MICU1: variants seen among roughly 807,000 people sequenced by gnomAD.
MICU1 encodes calcium uptake protein 1, mitochondrial.
A neutral mutation model predicts 56.8 loss-of-function variants in MICU1; 45 were observed. The ratio of observed to expected loss-of-function variants is 0.79; its 90% CI spans 0.62 to 1.02. The LOEUF is 1.02. Ranked by LOEUF, MICU1 falls within the 50% of genes least tolerant of loss-of-function variation. The pLI, the probability that MICU1 is intolerant of heterozygous loss-of-function variation, is 0.00. For missense variants in MICU1, 504 were observed against 587.1 expected, an observed-to-expected ratio of 0.86 and a Z score of 1.46; for synonymous variants, 186 against 195.1, an observed-to-expected ratio of 0.95 and a Z score of 0.39.
intron 7 of MICU1, 76 bp downstream of exon 7, chr10:72,477,098 C>A: frequency 8.9e-7 from 1 of 1,128,654 alleles, no homozygotes. Flanking sequence ...CTGACCAAGG[C>A]TAAGGTAACT....
chr10:72,381,723 G>C (rs187828199), intron 10 of MICU1, among the ~76,000 whole-genome samples: 1 of 152,210 alleles, frequency 6.6e-6, no homozygotes, highest in East Asian at 1.9e-4. Flanking sequence ...GAGCCTGAGC[G>C]CATCATCCCA....
intron 6 of MICU1, among the ~76,000 whole-genome samples, chr10:72,490,042 CT>C (rs1866602204): frequency 6.6e-6 from 1 of 152,134 alleles, no homozygotes; most frequent in Non-Finnish European, 1.5e-5. Context: ...CCTTTAAGCC[CT>C]TGACTAAATG....
At chr10:72,374,224 G>A (rs191016912) in intron 11 of MICU1, among the ~76,000 whole-genome samples, 57 of 152,346 alleles carry the variant, frequency 3.7e-4, no homozygotes, top group African/African-American at 1.3e-3. Flanking sequence ...CGCTTCAAGC[G>A]ATCCTCTCAC....
At chr10:72,552,209 G>A (rs1840051035) in intron 3 of MICU1, among the ~76,000 whole-genome samples, 2 of 152,052 alleles carry the variant, frequency 1.3e-5, no homozygotes, top group Admixed American at 1.3e-4. Flanking sequence ...AGCAAAGTTG[G>A]GAATCACACA....
At chr10:72,470,338 C>T (rs1564888093) in intron 8 of MICU1, among the ~76,000 whole-genome samples, 1 of 152,182 alleles carries the variant, frequency 6.6e-6, no homozygotes, top group Admixed American at 6.5e-5. Context: ...TAAGAAGGTA[C>T]TTATTCTACT....
chr10:72,395,374 G>A (rs1863214793), intron 10 of MICU1, among the ~76,000 whole-genome samples: 9 of 152,170 alleles, frequency 5.9e-5, no homozygotes, highest in Admixed American at 5.9e-4. Flanking sequence ...CGACACAGAA[G>A]ATGGGTGATT....
At chr10:72,482,066 TC>T (rs752948096) in intron 6 of MICU1, among the ~76,000 whole-genome samples, 19 of 152,188 alleles carry the variant, frequency 1.2e-4, no homozygotes, top group Non-Finnish European at 2.4e-4. Flanking sequence ...GAAAAAACCA[TC>T]TTTTTCTATG....
At chr10:72,551,118 A>T in intron 4 of MICU1, 61 bp downstream of exon 4, 1 of 1,465,504 alleles carries the variant, frequency 6.8e-7, no homozygotes, top group Non-Finnish European at 9.2e-7. Flanking sequence ...ATGTAGAAAG[A>T]GACAAAGTAG....
intron 5 of MICU1, among the ~76,000 whole-genome samples, chr10:72,518,121 C>T (rs907709015): frequency 2.6e-5 from 4 of 151,824 alleles, no homozygotes; most frequent in Non-Finnish European, 5.9e-5. Flanking sequence ...CAACGTCTGC[C>T]TCCCAGGTTC....
chr10:72,543,897 A>T (rs1382990420), intron 4 of MICU1, among the ~76,000 whole-genome samples: 1 of 152,028 alleles, frequency 6.6e-6, no homozygotes, highest in African/African-American at 2.4e-5. Flanking sequence ...CACTCTTCAT[A>T]TTGTCTTATG....
intron 8 of MICU1, among the ~76,000 whole-genome samples, chr10:72,436,627 C>G (rs4500404): frequency 0.71 from 107,468 of 151,924 alleles, 39,229 homozygotes; most frequent in African/African-American, 0.84. Flanking sequence ...GATAAAGGAG[C>G]ATGTTCGAAC....
At chr10:72,476,758 C>T (rs1014042496) in intron 7 of MICU1, among the ~76,000 whole-genome samples, 1 of 152,116 alleles carries the variant, frequency 6.6e-6, no homozygotes, top group Non-Finnish European at 1.5e-5. Flanking sequence ...GAAATTGTCA[C>T]CTACTATAGT....
At chr10:72,617,894 A>C (rs1048878388) in intron 1 of MICU1, among the ~76,000 whole-genome samples, 14 of 152,152 alleles carry the variant, frequency 9.2e-5, no homozygotes, top group Admixed American at 2.0e-4. Flanking sequence ...GGCTGGCCGC[A>C]GTGGCTTACG....
At chr10:72,478,725 T>C (rs1016531875) in intron 6 of MICU1, among the ~76,000 whole-genome samples, 4 of 152,178 alleles carry the variant, frequency 2.6e-5, no homozygotes, top group African/African-American at 9.6e-5. Context: ...AACTCCTGGT[T>C]TTTAGTTGCC....
At chr10:72,372,791 G>A (rs1230492503) in intron 11 of MICU1, among the ~76,000 whole-genome samples, 1 of 151,640 alleles carries the variant, frequency 6.6e-6, no homozygotes, top group African/African-American at 2.4e-5. Flanking sequence ...GCAGTGAGCC[G>A]AGATCATGCC....
chr10:72,548,288 G>A (rs1030435865), intron 4 of MICU1, among the ~76,000 whole-genome samples: 12 of 151,858 alleles, frequency 7.9e-5, no homozygotes, highest in African/African-American at 1.2e-4. Context: ...AAATGAAAGC[G>A]AAAAAAACAG....
intron 8 of MICU1, among the ~76,000 whole-genome samples, chr10:72,467,494 A>G (rs1391505890): frequency 2.6e-5 from 4 of 151,332 alleles, no homozygotes; most frequent in Non-Finnish European, 5.9e-5. Flanking sequence ...AATTTTCTGT[A>G]TTTTTAATAG....
intron 1 of MICU1, among the ~76,000 whole-genome samples, chr10:72,579,525 C>G (rs1840842718): frequency 6.6e-6 from 1 of 152,138 alleles, no homozygotes; most frequent in African/African-American, 2.4e-5. Context: ...AAATCCAAAA[C>G]TTTTTGAGTG....
intron 1 of MICU1, among the ~76,000 whole-genome samples, chr10:72,619,824 C>T (rs756054533): frequency 2.2e-4 from 34 of 152,066 alleles, no homozygotes; most frequent in Non-Finnish European, 4.4e-4. Context: ...AGAGGCATTC[C>T]AGGTACAACA....
Sources: gnomAD v4.1 joint callset for allele counts (sites outside exome capture counted in the v4.1 genomes callset) on GRCh38, gnomAD v4.1.1 for gene constraint, MANE v1.5 for transcripts, NCBI Gene and HGNC (gene_info 2026-07-23, HGNC 2026-07-21) for gene names.